The following FBN3 variants were observed in gnomAD, a reference collection of about 807,000 sequenced individuals.
The protein encoded by FBN3 is fibrillin 3, also known as fibrillin-3.
FBN3 carries 234 observed loss-of-function variants against 330.1 expected under a neutral mutation model. That is an observed-to-expected ratio of 0.71 (90% CI 0.64 to 0.79). The LOEUF is 0.79. Ranked by LOEUF, FBN3 falls within the 30% of genes least tolerant of loss-of-function variation. The pLI is 0.00. For missense variants in FBN3, 3,606 were observed against 3,886.9 expected (o/e 0.93, Z 1.92); for synonymous variants, 1,458 against 1,517.3 (o/e 0.96, Z 0.91).
At chr19:8,128,961 C>G in intron 18 of FBN3, 67 bp downstream of exon 18, 1 of 1,548,448 alleles carries the variant, frequency 6.5e-7, no homozygotes, top group South Asian at 1.2e-5. Context: ...TGCGTGCACA[C>G]GCCACATGCC....
Position 8,103,677 on chromosome 19 carries a change from T to C in FBN3, c.4824A>G (p.Glu1608=), listed in dbSNP as rs962648113. ...CACAGATGCCGGAGTGTGTGGAGCA[T>C]TCGTCAATATCTGCAGGGAAAGAAG... ...EHTRICEDID[E]CSTHSGICGP... The change falls in exon 39 of 64, where the codon GAA becomes GAG. Residue 1608 remains glutamate (E), a synonymous_variant. Transcript: ENST00000600128. 6.2e-7 allele frequency: 1 copy of C among 1,613,078 alleles called. No homozygotes were observed. Among genetic ancestry groups the C allele is most frequent in the South Asian group, 1.1e-5 (1 of 91,034 alleles).
At chr19:8,072,875 C>T (rs757056258) in intron 62 of FBN3, among the ~76,000 whole-genome samples, 188 bp downstream of exon 62, 20 of 151,804 alleles carry the variant, frequency 1.3e-4, no homozygotes, top group Non-Finnish European at 2.4e-4. Flanking sequence ...TGTACCTCTG[C>T]GTGTCCAGGA....
chr19:8,147,705 G>T, intron 1 of FBN3: 1 of 437,446 alleles, frequency 2.3e-6, no homozygotes, highest in Non-Finnish European at 4.0e-6. Flanking sequence ...AGGGTCTTGG[G>T]GCTGAGGGTG....
chr19:8,112,656 AT>A (rs777657831), intron 30 of FBN3, among the ~76,000 whole-genome samples: 63 of 152,308 alleles, frequency 4.1e-4, no homozygotes, highest in Admixed American at 9.8e-4. Context: ...TCTCAAAAAA[AT>A]AAATAAATAA....
chr19:8,116,624 T>C (rs1187512617), intron 29 of FBN3, 50 bp downstream of exon 29: 1 of 1,575,084 alleles, frequency 6.3e-7, no homozygotes, highest in East Asian at 2.3e-5. Context: ...GTGTGTGAAT[T>C]CTGACACTGC....
intron 59 of FBN3, among the ~76,000 whole-genome samples, chr19:8,079,778 C>T (rs751250976): frequency 9.2e-5 from 14 of 151,940 alleles, no homozygotes; most frequent in Admixed American, 6.6e-5. Context: ...TTAGTAGAAA[C>T]GGGGTTTTGT....
intron 63 of FBN3, among the ~76,000 whole-genome samples, chr19:8,070,170 G>A (rs993315529): frequency 6.6e-6 from 1 of 152,000 alleles, no homozygotes; most frequent in Non-Finnish European, 1.5e-5. Context: ...GGGGAAAAAG[G>A]GCCTTTCAGT....
chr19:8,081,396 C>T lies in FBN3; in HGVS notation c.7298G>A (p.Arg2433Gln), dbSNP rs774277592. 1.6e-5 allele frequency: 25 copies of T among 1,611,588 alleles called. No homozygotes were observed. Among genetic ancestry groups the T allele is most frequent in the Admixed American group, 6.7e-5 (4 of 59,602 alleles). Reference protein sequence around the residue: ...TKGSFLCSCPRGYLLEEDGRT... With the variant: ...TKGSFLCSCPQGYLLEEDGRT... Reference sequence around the variant, plus strand: ...GCCATCCTCCTCCAGCAGGTAGCCTCGGGGACAGCTGCACAGGAAACTGCC... The same window carrying T: ...GCCATCCTCCTCCAGCAGGTAGCCTTGGGGACAGCTGCACAGGAAACTGCC... The change falls in exon 58 of 64, where the codon CGA becomes CAA. Residue 2433 changes from arginine (R) to glutamine (Q), a missense_variant. By Grantham distance (43) the Arg-to-Gln change is conservative. Transcript: ENST00000600128.
At position 8,138,326 on chromosome 19, in the gene FBN3, G is replaced by A. The variant is rs750467432; in HGVS notation, c.1019-3C>T. 2 of 1,612,884 alleles carry A rather than the reference G, an allele frequency of 1.2e-6. No individual in the cohort carries two copies. The highest frequency in any genetic ancestry group is 4.5e-5 in the East Asian group (2 of 44,874). On this transcript the variant is annotated splice_region_variant and splice_polypyrimidine_tract_variant and intron_variant, in intron 9 of 63. Coordinates refer to ENST00000600128, the MANE Select transcript of FBN3 (RefSeq NM_032447.5). ...GGCGCACAGTTGCTGGAATTCATCT[G>A]CAAGGAAGCAGGGTTGAGGCCAGGC...
intron 13 of FBN3, 25 bp downstream of exon 13, chr19:8,135,936 G>GGGCACCCC: frequency 1.5e-6 from 1 of 668,778 alleles, no homozygotes; most frequent in Non-Finnish European, 2.4e-6. Flanking sequence ...GGAAGCCCCT[G>GGGCACCCC]CCCACCCGCC....
At chr19:8,111,037 C>T (rs752912663) in intron 33 of FBN3, 21 bp downstream of exon 33, 4 of 1,613,216 alleles carry the variant, frequency 2.5e-6, no homozygotes, top group Admixed American at 3.3e-5. Flanking sequence ...CTGTCCTCTG[C>T]CCTGGCGGGC....
At position 8,081,451 on chromosome 19, in the gene FBN3, G is replaced by C; in HGVS notation, c.7243C>G (p.Pro2415Ala). 1.2e-6 allele frequency: 2 copies of C among 1,611,766 alleles called. No individual in the cohort carries two copies. Among genetic ancestry groups the C allele is most frequent in the Non-Finnish European group, 1.7e-6 (2 of 1,178,952 alleles). Residue 2415 changes from proline (P) to alanine (A), a missense_variant, in exon 58 of 64, where the codon CCA (proline) becomes GCA (alanine). Coordinates refer to ENST00000600128, the MANE Select transcript of FBN3 (RefSeq NM_032447.5). Reference protein sequence around the residue: ...DMDECSQVPKPCTFLCKNTKG... With the variant: ...DMDECSQVPKACTFLCKNTKG... ...GTGTTTTTGCAGAGGAAGGTACATG[G>C]CTTGGGGACCTGGCTGCACTCATCC...
At chr19:8,137,455 A>G (rs2083315530) in intron 10 of FBN3, among the ~76,000 whole-genome samples, 1 of 151,568 alleles carries the variant, frequency 6.6e-6, no homozygotes, top group Non-Finnish European at 1.5e-5. Context: ...TTCAATCTGG[A>G]GCCTAGATCC....
rs950396605 is a variant in FBN3, at chr19:8,149,273, C to G, written c.-18+176G>C. Among the ~76,000 whole-genome samples the G allele has an allele frequency of 2.0e-4, 31 of 151,692 alleles. No individual in the cohort carries two copies. Among genetic ancestry groups the G allele is most frequent in the Non-Finnish European group, 2.7e-4 (18 of 67,860 alleles). On this transcript the variant is annotated intron_variant, in intron 1 of 63. Transcript: ENST00000600128. The surrounding 1 kb of genome is among the most constrained non-coding windows in gnomAD (Gnocchi z 5.5). ...CCGCCGGGTCCCCGCGCCCCCACTC[C>G]CCACTGCGGCGGGCGCCACTAGAAG... is the stretch of plus-strand genomic sequence containing the variant.
chr19:8,077,032 G>A (rs974753847), intron 59 of FBN3, among the ~76,000 whole-genome samples: 3 of 152,188 alleles, frequency 2.0e-5, no homozygotes, highest in Non-Finnish European at 4.4e-5. Flanking sequence ...CCAAAGTGCT[G>A]GGATTACAGG....
Position 8,115,626 on chromosome 19 carries a change from C to A in FBN3, c.3727G>T (p.Asp1243Tyr). Residue 1243 changes from aspartate (D) to tyrosine (Y), a missense_variant, in exon 30 of 64, where the codon GAC (aspartate) becomes TAC (tyrosine). Coordinates refer to ENST00000600128, the MANE Select transcript of FBN3 (RefSeq NM_032447.5). The part of the protein sequence containing the change: ...MRTCVDVDEC[D>Y]LNPHICLHGD... ...TGGAGGCAGATGTGAGGGTTCAGGTCACACTCATCCACATCTGTTGGGGAA... is the reference window on the plus strand; with the variant it reads ...TGGAGGCAGATGTGAGGGTTCAGGTAACACTCATCCACATCTGTTGGGGAA... 6.2e-7 allele frequency: 1 copy of A among 1,613,974 alleles called. No individual in the cohort carries two copies. Among genetic ancestry groups the A allele is most frequent in the South Asian group, 1.1e-5 (1 of 91,052 alleles).
In FBN3 at chr19:8,115,493, G is replaced by A. The variant is rs561144926; in HGVS notation, c.3838+22C>T. The A allele has an allele frequency of 2.9e-4, 464 of 1,612,202 alleles. 9 individuals are homozygous for A. The South Asian group carries it at 4.9e-3, about 17-fold the overall frequency. ...TGGCCCCGGGGAGTCCCCTCTGCCT[G>A]CACCGCTGACCGCCGGCTCACCAGA... On this transcript the variant is annotated intron_variant, in intron 30 of 63. Transcript: ENST00000600128.
rs12460643 is a variant in FBN3 at position 8,087,841 on chromosome 19, A to T, written c.6603T>A (p.Asp2201Glu). The T allele has an allele frequency of 6.2e-7, 1 of 1,613,784 alleles. No homozygotes were observed. Among genetic ancestry groups the T allele is most frequent in the Admixed American group, 1.7e-5 (1 of 59,992 alleles). ...TCPAGYTLRE[D>E]GAMCRDVDEC... Reference sequence around the variant, plus strand: ...CAGGCCTACCTCGACACATGGCCCCATCCTCCCGCAGGGTGTAGCCGGCTG... The same window carrying T: ...CAGGCCTACCTCGACACATGGCCCCTTCCTCCCGCAGGGTGTAGCCGGCTG... The change falls in exon 53 of 64, where the codon GAT becomes GAA. Residue 2201 changes from aspartate to glutamate, a missense_variant. Asp to Glu is a conservative substitution (Grantham distance 45). Coordinates refer to ENST00000600128, the MANE Select transcript of FBN3 (RefSeq NM_032447.5).
In FBN3 at chr19:8,129,411, G is replaced by A. The variant is rs552286760; in HGVS notation, c.2045-46C>T. 6.2e-7 allele frequency: 1 copy of A among 1,606,076 alleles called. No individual in the cohort carries two copies. The highest frequency in any genetic ancestry group is 1.1e-5 in the South Asian group (1 of 89,526). ...GTCAGCAGCAGCAGAAGGAGGGTGT[G>A]TCCGAGGCAGGAGGAGGGTGTGTCG... On this transcript the variant is annotated intron_variant, in intron 16 of 63. Transcript: ENST00000600128. This position sits in a 1 kb window ranked among gnomAD's most constrained non-coding sequence, Gnocchi z 4.5.
Sources: allele counts gnomAD v4.1 joint callset (sites outside exome capture counted in the v4.1 genomes callset), GRCh38; gene constraint gnomAD v4.1.1; non-coding constraint Gnocchi (gnomAD v3.1); transcripts MANE v1.5; gene names NCBI Gene and HGNC (gene_info 2026-07-23, HGNC 2026-07-21).